Variants in CAST observed in about 807,000 individuals in gnomAD.
The protein encoded by CAST is MIR583 host.
Under a neutral mutation model 119.6 loss-of-function variants are expected in CAST, and 76 were observed. The observed-to-expected ratio is 0.64, with a 90% confidence interval of 0.53 to 0.77. The LOEUF is 0.77. CAST is among the 30% of genes least tolerant of loss of function. The pLI is 0.00. For missense variants in CAST, 953 were observed against 946.5 expected, an observed-to-expected ratio of 1.01 and a Z score of -0.09; for synonymous variants, 319 against 331.6, an observed-to-expected ratio of 0.96 and a Z score of 0.41.
At chr5:96,654,443 A>G (rs1748131462) in intron 1 of CAST, among the ~76,000 whole-genome samples, 1 of 152,212 alleles carries the variant, frequency 6.6e-6, no homozygotes, top group Non-Finnish European at 1.5e-5. Context: ...ATGAAAGCAA[A>G]AAAACCTCAC....
chr5:96,492,098 G>A, the CAST span, among the ~76,000 whole-genome samples: 2 of 152,202 alleles, frequency 1.3e-5, no homozygotes, highest in Non-Finnish European at 2.9e-5. Flanking sequence ...GGATCCTTGA[G>A]CTATACATTT....
the CAST span, among the ~76,000 whole-genome samples, chr5:96,153,410 C>A: frequency 1.1e-4 from 17 of 152,208 alleles, no homozygotes; most frequent in African/African-American, 4.1e-4. Context: ...TGACTAGGCC[C>A]TGTCCTGGAC....
chr5:96,453,798 C>A, the CAST span, among the ~76,000 whole-genome samples: 2 of 152,080 alleles, frequency 1.3e-5, no homozygotes, highest in Non-Finnish European at 2.9e-5. Flanking sequence ...AATCTTAAAT[C>A]TTAAAAGTAA....
At chr5:96,351,967 G>C in the CAST span, among the ~76,000 whole-genome samples, 1 of 152,116 alleles carries the variant, frequency 6.6e-6, no homozygotes, top group South Asian at 2.1e-4. Flanking sequence ...TAACTGTTGG[G>C]TGGGTATTTT....
the CAST span, among the ~76,000 whole-genome samples, chr5:96,474,438 G>A: frequency 2.0e-5 from 3 of 152,012 alleles, no homozygotes; most frequent in African/African-American, 7.2e-5. Flanking sequence ...GATGGGGGGT[G>A]GGGGTGAGGG....
At chr5:96,711,196 G>A (rs1756068046) in intron 3 of CAST, among the ~76,000 whole-genome samples, 1 of 152,096 alleles carries the variant, frequency 6.6e-6, no homozygotes, top group Admixed American at 6.5e-5. Flanking sequence ...AGTTGAAGTA[G>A]TAGTAAACCA....
chr5:96,352,372 T>C, the CAST span, among the ~76,000 whole-genome samples: 1 of 152,148 alleles, frequency 6.6e-6, no homozygotes, highest in African/African-American at 2.4e-5. Context: ...TACGTTTCAT[T>C]GCTTTGTATA....
chr5:96,394,974 G>A, the CAST span: 1 of 1,613,852 alleles, frequency 6.2e-7, no homozygotes. Context: ...GAGGTCCCGT[G>A]CAAAATCAGC....
At chr5:96,275,510 T>C in the CAST span, among the ~76,000 whole-genome samples, 4 of 152,330 alleles carry the variant, frequency 2.6e-5, no homozygotes, top group Admixed American at 1.3e-4. Flanking sequence ...TATTAAATTA[T>C]TGAAGATAAT....
chr5:96,641,255 T>A (rs1262291512), intron 1 of CAST, among the ~76,000 whole-genome samples: 1 of 152,054 alleles, frequency 6.6e-6, no homozygotes, highest in Admixed American at 6.6e-5. Context: ...CTTTTCTAAT[T>A]TTGTCTAGTG....
chr5:96,370,533 C>T, the CAST span, among the ~76,000 whole-genome samples: 1 of 152,134 alleles, frequency 6.6e-6, no homozygotes, highest in African/African-American at 2.4e-5. Context: ...ATTTTCACCC[C>T]CCACAACTGC....
rs532066786 is a variant in CAST, at chr5:96,738,381, ACAT to A, written c.798+437_798+439del. 5.9e-5 allele frequency among the ~76,000 whole-genome samples: 9 copies of A among 152,308 alleles called. No individual in the cohort carries two copies. The South Asian group carries it at 1.9e-3, about 32-fold the overall frequency. ...TAGAAACAGGATGATGTCAGTATCA[ACAT>A]CAACACAGCAACTAAAAATTAGTAT... On this transcript the variant is annotated intron_variant, in intron 11 of 31. Transcript: ENST00000675179.
chr5:96,338,360 C>A, the CAST span, among the ~76,000 whole-genome samples: 5 of 152,260 alleles, frequency 3.3e-5, no homozygotes, highest in East Asian at 1.9e-4. Context: ...TTTCTTCATA[C>A]TTTGCTTCAT....
At chr5:96,594,248 C>T (rs1300441101) in intron 1 of CAST, among the ~76,000 whole-genome samples, 2 of 152,204 alleles carry the variant, frequency 1.3e-5, no homozygotes, top group African/African-American at 2.4e-5. Context: ...ATTAGCCAAC[C>T]GTTCCTGCAG....
intron 1 of CAST, among the ~76,000 whole-genome samples, chr5:96,561,796 G>GTTTTTTTTTTT (rs11375615): frequency 0.013 from 1,243 of 97,242 alleles, 169 homozygotes; most frequent in East Asian, 0.024. Context: ...GTTTTTTTTT[G>GTTTTTTTTTTT]TTTTTTTTTT....
At chr5:96,377,785 C>T in the CAST span, among the ~76,000 whole-genome samples, 1 of 152,104 alleles carries the variant, frequency 6.6e-6, no homozygotes, top group Non-Finnish European at 1.5e-5. Context: ...TGTTAGGATG[C>T]TTTTTTCCCC....
chr5:96,150,646 A>T, the CAST span, among the ~76,000 whole-genome samples: 3 of 152,300 alleles, frequency 2.0e-5, no homozygotes, highest in Non-Finnish European at 4.4e-5. Context: ...CTGAGGAAGG[A>T]GCAGACTGGG....
At chr5:96,054,555 C>T in the CAST span, among the ~76,000 whole-genome samples, 1 of 152,088 alleles carries the variant, frequency 6.6e-6, no homozygotes, top group Non-Finnish European at 1.5e-5. Context: ...GTAGGTTTTG[C>T]TTTTAATTCT....
the CAST span, among the ~76,000 whole-genome samples, chr5:96,181,442 C>T: frequency 7.9e-5 from 12 of 152,270 alleles, no homozygotes; most frequent in South Asian, 1.7e-3. Flanking sequence ...ACTTGGGACA[C>T]GGAGCATCAA....
Sources: gnomAD v4.1 joint callset for allele counts (sites outside exome capture counted in the v4.1 genomes callset) on GRCh38, gnomAD v4.1.1 for gene constraint, MANE v1.5 for transcripts, NCBI Gene and HGNC (gene_info 2026-07-23, HGNC 2026-07-21) for gene names.